Variants in SNTB1 observed in about 807,000 individuals in gnomAD.
SNTB1 encodes the protein beta-1-syntrophin.
A neutral mutation model predicts 48.9 loss-of-function variants in SNTB1; 36 were observed. That is an observed-to-expected ratio of 0.74 (90% CI 0.56 to 0.97). The LOEUF (loss-of-function observed/expected upper bound fraction) is 0.97. Ranked by LOEUF, SNTB1 falls within the 50% of genes least tolerant of loss-of-function variation. The pLI is 0.00. For missense variants in SNTB1, 786 were observed against 703.4 expected, an observed-to-expected ratio of 1.12 and a Z score of -1.33; for synonymous variants, 299 against 294.6, an observed-to-expected ratio of 1.01 and a Z score of -0.15.
At chr8:120,810,767 A>G (rs1411788416) in intron 1 of SNTB1, among the ~76,000 whole-genome samples, 1 of 152,084 alleles carries the variant, frequency 6.6e-6, no homozygotes, top group Admixed American at 6.5e-5. Context: ...TCACCCCTTT[A>G]TGAGTCAACC....
intron 1 of SNTB1, among the ~76,000 whole-genome samples, chr8:120,707,270 A>G (rs2129907456): frequency 6.6e-6 from 1 of 152,248 alleles, no homozygotes; most frequent in South Asian, 2.1e-4. Context: ...CCCCAAACAT[A>G]TGTGCACACA....
At chr8:120,803,313 T>C (rs1820263040) in intron 1 of SNTB1, among the ~76,000 whole-genome samples, 1 of 152,134 alleles carries the variant, frequency 6.6e-6, no homozygotes. Flanking sequence ...CTTGCATGAG[T>C]CTGTTAGGGC....
intron 1 of SNTB1, among the ~76,000 whole-genome samples, chr8:120,758,595 G>A (rs1819358927): frequency 6.6e-6 from 1 of 152,122 alleles, no homozygotes; most frequent in South Asian, 2.1e-4. Flanking sequence ...TCTGCTGGGT[G>A]GATTTCACAA....
chr8:120,770,676 G>T (rs1003097003), intron 1 of SNTB1, among the ~76,000 whole-genome samples: 9 of 152,250 alleles, frequency 5.9e-5, no homozygotes, highest in African/African-American at 2.2e-4. Flanking sequence ...AGCTGGGTGT[G>T]ATGGCAGGCG....
Position 120,795,324 on chromosome 8 carries a change from C to T in SNTB1, c.571+15949G>A, listed in dbSNP as rs561728408. ...GTAACTGTACACATAGCAAGGCTGGCATGCATGAGAGCAAAATTTAGTGGT... is the reference window on the plus strand; with the variant it reads ...GTAACTGTACACATAGCAAGGCTGGTATGCATGAGAGCAAAATTTAGTGGT... On this transcript the variant is annotated intron_variant, in intron 1 of 6. Coordinates refer to ENST00000517992, the MANE Select transcript of SNTB1 (RefSeq NM_021021.4). Among the ~76,000 whole-genome samples, 33 of 151,938 alleles carry T rather than the reference C, an allele frequency of 2.2e-4. 1 individual carries two copies. Among genetic ancestry groups the T allele is most frequent in the African/African-American group, 7.7e-4 (32 of 41,466 alleles).
At chr8:120,629,680 TTTGTTCCCTTAAACTTGATC>T (rs1200288928) in intron 3 of SNTB1, among the ~76,000 whole-genome samples, 1 of 152,238 alleles carries the variant, frequency 6.6e-6, no homozygotes, top group Non-Finnish European at 1.5e-5. Context: ...CTAGTTTGGA[TTTGTTCCCTTAAACTTGATC>T]TATGGTAATC....
chr8:120,595,840 C>T (rs764389354), intron 3 of SNTB1, among the ~76,000 whole-genome samples: 1 of 152,180 alleles, frequency 6.6e-6, no homozygotes. Context: ...ACCTTGGCCT[C>T]CCAAAGTGTT....
At chr8:120,792,675 T>C (rs932957131) in intron 1 of SNTB1, among the ~76,000 whole-genome samples, 25 of 151,962 alleles carry the variant, frequency 1.6e-4, no homozygotes, top group African/African-American at 5.1e-4. Flanking sequence ...ACCTGGGAAA[T>C]GGGAAAATTG....
intron 3 of SNTB1, among the ~76,000 whole-genome samples, chr8:120,605,630 G>C (rs1816501118): frequency 6.6e-6 from 1 of 152,116 alleles, no homozygotes; most frequent in South Asian, 2.1e-4. Flanking sequence ...TGATGAAGAT[G>C]ACATATGTCT....
intron 3 of SNTB1, among the ~76,000 whole-genome samples, chr8:120,608,492 G>T (rs1448573235): frequency 6.6e-6 from 1 of 152,160 alleles, no homozygotes; most frequent in Admixed American, 6.6e-5. Flanking sequence ...ACAGAGGGAA[G>T]AACAGATGAA....
chr8:120,742,843 C>CAG (rs769880249), intron 1 of SNTB1, among the ~76,000 whole-genome samples: 138 of 152,246 alleles, frequency 9.1e-4, no homozygotes, highest in Middle Eastern at 6.8e-3. Context: ...CTGGGTCTTG[C>CAG]AGAGAGTGGG....
intron 2 of SNTB1, among the ~76,000 whole-genome samples, chr8:120,648,590 G>A (rs1817345642): frequency 6.6e-6 from 1 of 151,878 alleles, no homozygotes. Flanking sequence ...CTCTCTGGCT[G>A]CCCTTAACAT....
chr8:120,556,731 A>C (rs1250858731), intron 4 of SNTB1, among the ~76,000 whole-genome samples: 1 of 152,256 alleles, frequency 6.6e-6, no homozygotes, highest in East Asian at 1.9e-4. Flanking sequence ...TCCAGAAAGA[A>C]ATAGAGAAAA....
intron 1 of SNTB1, among the ~76,000 whole-genome samples, chr8:120,700,925 C>T (rs1296526199): frequency 6.6e-6 from 1 of 152,042 alleles, no homozygotes; most frequent in African/African-American, 2.4e-5. Flanking sequence ...AAAGAATTTC[C>T]AGATTACAGG....
At chr8:120,780,515 G>A (rs1587157375) in intron 1 of SNTB1, among the ~76,000 whole-genome samples, 1 of 152,208 alleles carries the variant, frequency 6.6e-6, no homozygotes, top group Non-Finnish European at 1.5e-5. Flanking sequence ...CATTATGGAT[G>A]ATAATGAGGT....
At chr8:120,701,037 G>T (rs891969163) in intron 1 of SNTB1, among the ~76,000 whole-genome samples, 4 of 152,188 alleles carry the variant, frequency 2.6e-5, no homozygotes, top group Admixed American at 6.5e-5. Flanking sequence ...AGAAACCTGG[G>T]TATTCAGACT....
intron 2 of SNTB1, among the ~76,000 whole-genome samples, chr8:120,661,640 C>T (rs553598341): frequency 6.6e-6 from 1 of 152,124 alleles, no homozygotes; most frequent in South Asian, 2.1e-4. Flanking sequence ...AATGTTCTCC[C>T]TCCCCTTTCC....
chr8:120,643,373 C>T (rs375333857), intron 2 of SNTB1, among the ~76,000 whole-genome samples: 6 of 152,220 alleles, frequency 3.9e-5, no homozygotes, highest in East Asian at 3.9e-4. Context: ...ACCCATCACC[C>T]GAGCAGTGTA....
chr8:120,665,668 T>C (rs1194825506), intron 2 of SNTB1, among the ~76,000 whole-genome samples: 1 of 152,216 alleles, frequency 6.6e-6, no homozygotes, highest in African/African-American at 2.4e-5. Flanking sequence ...CAAAAATGTT[T>C]TGTTTTCTGC....
Sources: allele counts gnomAD v4.1 joint callset (sites outside exome capture counted in the v4.1 genomes callset), GRCh38; gene constraint gnomAD v4.1.1; transcripts MANE v1.5; gene names NCBI Gene and HGNC (gene_info 2026-07-23, HGNC 2026-07-21).